FOXP1: variants seen among roughly 807,000 people sequenced by gnomAD.
The protein encoded by FOXP1 is forkhead box protein P1.
A neutral mutation model predicts 98.2 loss-of-function variants in FOXP1; 15 were observed. The ratio of observed to expected loss-of-function variants is 0.15; its 90% confidence interval spans 0.10 to 0.24. FOXP1 has a LOEUF of 0.24. Ranked by LOEUF, FOXP1 falls within the 10% of genes least tolerant of loss-of-function variation. The pLI, the probability that FOXP1 is intolerant of heterozygous loss-of-function variation, is 1.00. For missense variants in FOXP1, 633 were observed against 848.5 expected (o/e 0.75, Z 3.15); for synonymous variants, 371 against 314.5 (o/e 1.18, Z -1.90).
intron 9 of FOXP1, among the ~76,000 whole-genome samples, chr3:71,050,151 A>T (rs1469414423): frequency 6.6e-6 from 1 of 152,072 alleles, no homozygotes; most frequent in East Asian, 1.9e-4. Flanking sequence ...TCCCTTCCCA[A>T]ACTCAGGGAC....
intron 7 of FOXP1, among the ~76,000 whole-genome samples, chr3:71,109,706 TATA>T (rs1416011070): frequency 6.6e-6 from 1 of 152,202 alleles, no homozygotes; most frequent in Non-Finnish European, 1.5e-5. Flanking sequence ...TGCATATTTT[TATA>T]ATGAGGTAAT....
chr3:71,263,911 A>ATT (rs769680475), intron 5 of FOXP1, among the ~76,000 whole-genome samples: 2 of 142,040 alleles, frequency 1.4e-5, no homozygotes, highest in Non-Finnish European at 3.1e-5. Flanking sequence ...CTCCCAGCTA[A>ATT]TTTTTTTTTT....
At chr3:71,554,743 C>A (rs1559525080) in intron 2 of FOXP1, among the ~76,000 whole-genome samples, 2 of 152,196 alleles carry the variant, frequency 1.3e-5, no homozygotes, top group African/African-American at 4.8e-5. Flanking sequence ...TAGAAAAATT[C>A]AATCTAAATG....
intron 6 of FOXP1, chr3:71,130,702 T>C (rs1178796762): frequency 2.5e-5 from 39 of 1,549,432 alleles, no homozygotes; most frequent in Non-Finnish European, 3.1e-5. Context: ...GTAGGCAACC[T>C]CAGGGAGGTT....
chr3:71,239,721 C>T (rs2067093793), intron 5 of FOXP1, among the ~76,000 whole-genome samples: 1 of 152,158 alleles, frequency 6.6e-6, no homozygotes, highest in Admixed American at 6.5e-5. Flanking sequence ...AAGAATAACG[C>T]TTTTTAAGTG....
At chr3:71,398,469 T>C (rs937075803) in intron 3 of FOXP1, among the ~76,000 whole-genome samples, 2 of 152,218 alleles carry the variant, frequency 1.3e-5, no homozygotes, top group Non-Finnish European at 2.9e-5. Flanking sequence ...CCTACTTTGC[T>C]GGTATAAGCT....
chr3:71,372,098 G>A (rs1282693184), intron 3 of FOXP1, among the ~76,000 whole-genome samples: 2 of 150,566 alleles, frequency 1.3e-5, no homozygotes, highest in Non-Finnish European at 3.0e-5. Context: ...CTGCAACCTC[G>A]GCCTCCAGGG....
chr3:71,499,045 C>T (rs147988503), intron 2 of FOXP1, among the ~76,000 whole-genome samples: 64 of 152,280 alleles, frequency 4.2e-4, no homozygotes, highest in African/African-American at 1.5e-3. Context: ...TGGATGGTTT[C>T]CATCTGCTTC....
At chr3:71,047,200 A>C in intron 9 of FOXP1, 105 bp from the exon 10 acceptor site, 3 of 1,348,022 alleles carry the variant, frequency 2.2e-6, no homozygotes, top group Non-Finnish European at 3.2e-6. Context: ...GAGAATGGTC[A>C]CTGGAGCTCA....
chr3:71,122,787 A>G (rs1290324502), intron 6 of FOXP1, among the ~76,000 whole-genome samples: 1 of 152,128 alleles, frequency 6.6e-6, no homozygotes, highest in East Asian at 1.9e-4. Context: ...AGTGGCTAGG[A>G]TGGAAAAACA....
chr3:71,008,694 G>A lies in FOXP1; in HGVS notation c.974+6855C>T, dbSNP rs972637248. On this transcript the variant is annotated intron_variant, in intron 12 of 20. Coordinates refer to ENST00000649528, the MANE Select transcript of FOXP1 (RefSeq NM_001349338.3). Reference sequence around the variant, plus strand: ...TCTGATAAAGCGTCCCTCTGTTGGCGGTGAGGGAAAGACAACAGGATGGTT... The same window carrying A: ...TCTGATAAAGCGTCCCTCTGTTGGCAGTGAGGGAAAGACAACAGGATGGTT... Among the ~76,000 whole-genome samples the A allele has an allele frequency of 3.9e-5, 6 of 152,062 alleles. No individual in the cohort carries two copies. The East Asian group carries it at 5.8e-4, about 15-fold the overall frequency.
At chr3:71,539,101 AT>A (rs1379852281) in intron 2 of FOXP1, among the ~76,000 whole-genome samples, 1 of 143,932 alleles carries the variant, frequency 6.9e-6, no homozygotes, top group African/African-American at 2.6e-5. Context: ...TTTATTTTTT[AT>A]TTTTTTGTTT....
At chr3:71,128,397 T>C (rs1049727494) in intron 6 of FOXP1, among the ~76,000 whole-genome samples, 1 of 151,888 alleles carries the variant, frequency 6.6e-6, no homozygotes, top group Non-Finnish European at 1.5e-5. Flanking sequence ...TTTGAGATAA[T>C]GACAGCCTTG....
chr3:71,504,815 C>T (rs923025023), intron 2 of FOXP1, among the ~76,000 whole-genome samples: 1 of 152,186 alleles, frequency 6.6e-6, no homozygotes, highest in Non-Finnish European at 1.5e-5. Flanking sequence ...GTGTTCAATG[C>T]GGTCGTAGGA....
chr3:70,974,347 C>T (rs991294099), intron 17 of FOXP1, among the ~76,000 whole-genome samples: 3 of 151,836 alleles, frequency 2.0e-5, no homozygotes, highest in African/African-American at 7.3e-5. Flanking sequence ...TGCCTGACTG[C>T]AGTGCAGTGG....
chr3:71,210,192 C>T (rs754830417), intron 5 of FOXP1, among the ~76,000 whole-genome samples: 11 of 152,318 alleles, frequency 7.2e-5, no homozygotes, highest in South Asian at 4.1e-4. Flanking sequence ...TATCCCCCTC[C>T]GGAGTTCCAC....
chr3:71,153,104 T>A (rs1226776589), intron 6 of FOXP1, among the ~76,000 whole-genome samples: 1 of 152,150 alleles, frequency 6.6e-6, no homozygotes, highest in East Asian at 1.9e-4. Flanking sequence ...GATAAGCACA[T>A]CCTGCTTTCT....
At chr3:70,961,870 G>C (rs1386107951) in intron 20 of FOXP1, among the ~76,000 whole-genome samples, 3 of 152,126 alleles carry the variant, frequency 2.0e-5, no homozygotes, top group Non-Finnish European at 4.4e-5. Context: ...AGTCCAGCCT[G>C]GGTGATACAG....
chr3:71,349,368 A>T (rs1429820596), intron 4 of FOXP1, among the ~76,000 whole-genome samples: 2 of 152,240 alleles, frequency 1.3e-5, no homozygotes, highest in African/African-American at 4.8e-5. Flanking sequence ...TTGTTTTGAT[A>T]AAATGAAGAG....
Sources: allele counts gnomAD v4.1 joint callset (sites outside exome capture counted in the v4.1 genomes callset), GRCh38; gene constraint gnomAD v4.1.1; transcripts MANE v1.5; gene names NCBI Gene and HGNC (gene_info 2026-07-23, HGNC 2026-07-21).